The following SLAMF1 variants were observed in gnomAD, a reference collection of about 807,000 sequenced individuals.
SLAMF1 encodes signaling lymphocytic activation molecule family member 1.
SLAMF1 carries 18 observed loss-of-function variants against 35.1 expected under a neutral mutation model. The observed-to-expected ratio is 0.51, with a 90% CI of 0.35 to 0.76. The LOEUF is 0.76. SLAMF1 is among the 30% of genes least tolerant of loss of function. The pLI is 0.01. For synonymous variants in SLAMF1, 168 were observed against 157.2 expected, an observed-to-expected ratio of 1.07 and a Z score of -0.51; for missense variants, 392 against 413.0, an observed-to-expected ratio of 0.95 and a Z score of 0.44.
chr1:160,634,413 G>C, intron 3 of SLAMF1, 200 bp downstream of exon 3: 2 of 984,170 alleles, frequency 2.0e-6, no homozygotes, highest in Non-Finnish European at 2.4e-6. Context: ...TTCGTCAACT[G>C]TGAACTGAGC....
chr1:160,610,697 A>C lies in SLAMF1; in HGVS notation c.*51T>G, dbSNP rs1557999540. ...GGGCCTGTGGCCAAGTTCAGTGTTC[A>C]TTTTGGTTTTTCCATTTTCCTTCAG... On this transcript the variant is annotated 3_prime_UTR_variant, in exon 7 of 7. Coordinates refer to ENST00000302035, the MANE Select transcript of SLAMF1 (RefSeq NM_003037.5). 1 of 1,418,052 alleles carries C rather than the reference A, an allele frequency of 7.1e-7. No homozygotes were observed. The highest frequency in any genetic ancestry group is 2.3e-5 in the East Asian group (1 of 43,994). 87.8% of individuals were successfully genotyped at this position (1,418,052 alleles called of 1,614,324 possible). A position where few individuals can be genotyped will look rare whatever the true frequency, so the allele number is the denominator to read the frequency against.
chr1:160,644,639 T>C (rs1660934142), intron 1 of SLAMF1, among the ~76,000 whole-genome samples: 2 of 152,196 alleles, frequency 1.3e-5, no homozygotes, highest in African/African-American at 4.8e-5. Context: ...CCTTAATAGT[T>C]GCTGAATGGG....
intron 5 of SLAMF1, among the ~76,000 whole-genome samples, chr1:160,617,979 A>T (rs1659397899): frequency 6.6e-6 from 1 of 152,158 alleles, no homozygotes; most frequent in Non-Finnish European, 1.5e-5. Flanking sequence ...AGGCTGAGGC[A>T]GGAGAATCAC....
chr1:160,624,118 T>C lies in SLAMF1; in HGVS notation c.768A>G (p.Val256=). 1 of 1,608,066 alleles carries C rather than the reference T, an allele frequency of 6.2e-7. No individual in the cohort carries two copies. Among genetic ancestry groups the C allele is most frequent in the Non-Finnish European group, 8.5e-7 (1 of 1,176,388 alleles). ...GGVIMILIMV[V]ILQLRRRGKT... ...TACCTCTTCTTCTCAACTGTAGTAT[T>C]ACCACCATGATGAGAATCATGATGA... is the stretch of plus-strand genomic sequence containing the variant. The change falls in exon 4 of 7, where the codon GTA becomes GTG. Residue 256 remains valine (V), a synonymous_variant. Transcript: ENST00000302035.
At chr1:160,634,417 A>C in intron 3 of SLAMF1, 196 bp downstream of exon 3, 1 of 984,412 alleles carries the variant, frequency 1.0e-6, no homozygotes, top group Non-Finnish European at 1.2e-6. Context: ...TCAACTGTGA[A>C]CTGAGCATAA....
intron 1 of SLAMF1, among the ~76,000 whole-genome samples, chr1:160,639,152 A>C (rs891514387): frequency 3.3e-5 from 5 of 152,222 alleles, no homozygotes; most frequent in African/African-American, 1.2e-4. Flanking sequence ...TGCAAACATT[A>C]TAATTCAGCC....
intron 3 of SLAMF1, among the ~76,000 whole-genome samples, chr1:160,629,791 T>C (rs1279576116): frequency 6.6e-6 from 1 of 152,204 alleles, no homozygotes; most frequent in African/African-American, 2.4e-5. Flanking sequence ...TTATAGCGGG[T>C]GTGGCCCATG....
chr1:160,624,617 G>GCAT (rs1659786195), intron 3 of SLAMF1, among the ~76,000 whole-genome samples: 2 of 152,116 alleles, frequency 1.3e-5, no homozygotes. Context: ...TGAGACACTG[G>GCAT]GAGGAAGAAA....
At chr1:160,630,053 G>T (rs1404056284) in intron 3 of SLAMF1, among the ~76,000 whole-genome samples, 1 of 152,192 alleles carries the variant, frequency 6.6e-6, no homozygotes, top group Non-Finnish European at 1.5e-5. Context: ...GCGGTTTGCT[G>T]ATCTGCTGAA....
chr1:160,645,944 C>T (rs947255965), intron 1 of SLAMF1, among the ~76,000 whole-genome samples: 7 of 152,088 alleles, frequency 4.6e-5, no homozygotes, highest in East Asian at 1.9e-4. Flanking sequence ...CCCCCGTGTC[C>T]GTAATGCCAC....
chr1:160,615,832 T>C (rs1281052530), intron 5 of SLAMF1: 3 of 223,538 alleles, frequency 1.3e-5, no homozygotes, highest in Non-Finnish European at 9.3e-6. Context: ...AAGGCAAAAA[T>C]TGCAGATACA....
intron 6 of SLAMF1, among the ~76,000 whole-genome samples, chr1:160,611,464 T>C (rs1289472635): frequency 1.3e-5 from 2 of 152,200 alleles, no homozygotes; most frequent in East Asian, 3.9e-4. Context: ...ATTGGTTTCA[T>C]CTTGAAATAT....
chr1:160,642,758 T>A lies in SLAMF1; in HGVS notation c.76+4112A>T, dbSNP rs1660819057. The stretch of plus-strand genomic sequence containing the variant: ...AAGTGGTGGGGACCCTTTTCCCCAC[T>A]TGCCAGCTGAGGACATGGAAGTGCC... On this transcript the variant is annotated intron_variant, in intron 1 of 6. Coordinates refer to ENST00000302035, the MANE Select transcript of SLAMF1 (RefSeq NM_003037.5). This position sits in a 1 kb window ranked among gnomAD's most constrained non-coding sequence, Gnocchi z 4.2. Among the ~76,000 whole-genome samples, 1 of 152,176 alleles carries A rather than the reference T, an allele frequency of 6.6e-6. No homozygotes were observed. The highest frequency in any genetic ancestry group is 2.4e-5 in the African/African-American group (1 of 41,430).
chr1:160,624,096 C>T lies in SLAMF1; in HGVS notation c.790G>A (p.Gly264Ser), dbSNP rs1274515656. 1 of 1,589,404 alleles carries T rather than the reference C, an allele frequency of 6.3e-7. No individual in the cohort carries two copies. The highest frequency in any genetic ancestry group is 8.6e-7 in the Non-Finnish European group (1 of 1,163,120). Residue 264 changes from glycine (G) to serine (S), a missense_variant and splice_region_variant, in exon 4 of 7, where the codon GGT (glycine) becomes AGT (serine). Coordinates refer to ENST00000302035, the MANE Select transcript of SLAMF1 (RefSeq NM_003037.5). ...MVVILQLRRR[G>S]KTNHYQTTVE... ...AATCTATTTATTGCCAGACACCTAC[C>T]TCTTCTTCTCAACTGTAGTATTACC...
chr1:160,612,759 C>A (rs1809963), intron 5 of SLAMF1, among the ~76,000 whole-genome samples, 179 bp from the exon 6 acceptor site: 1 of 152,162 alleles, frequency 6.6e-6, no homozygotes, highest in Non-Finnish European at 1.5e-5. Flanking sequence ...CTCAATTCCC[C>A]AGGCTTTGCT....
At chr1:160,628,682 A>G (rs1043541592) in intron 3 of SLAMF1, among the ~76,000 whole-genome samples, 1 of 152,214 alleles carries the variant, frequency 6.6e-6, no homozygotes, top group Non-Finnish European at 1.5e-5. Flanking sequence ...AGTTAAATTA[A>G]ATGAGAGTCC....
intron 2 of SLAMF1, among the ~76,000 whole-genome samples, chr1:160,635,562 A>C (rs1189483142): frequency 1.3e-5 from 2 of 150,436 alleles, no homozygotes; most frequent in South Asian, 4.2e-4. Flanking sequence ...GGTGTTTCAC[A>C]TTCATCATCT....
intron 3 of SLAMF1, among the ~76,000 whole-genome samples, chr1:160,624,946 ATT>A (rs1349162571): frequency 6.6e-6 from 1 of 152,242 alleles, no homozygotes; most frequent in Non-Finnish European, 1.5e-5. Context: ...ATGAACAATT[ATT>A]GAGCACTTGC....
chr1:160,642,776 G>A lies in SLAMF1; in HGVS notation c.76+4094C>T, dbSNP rs1660819632. ...TCCCCACTTGCCAGCTGAGGACATG[G>A]AAGTGCCTTAAATATAAACCCTAGG... On this transcript the variant is annotated intron_variant, in intron 1 of 6. Transcript: ENST00000302035. This position sits in a 1 kb window ranked among gnomAD's most constrained non-coding sequence, Gnocchi z 4.2. 1.3e-5 allele frequency among the ~76,000 whole-genome samples: 2 copies of A among 152,154 alleles called. No individual in the cohort carries two copies. The highest frequency in any genetic ancestry group is 4.8e-5 in the African/African-American group (2 of 41,424).
Sources: allele counts gnomAD v4.1 joint callset (sites outside exome capture counted in the v4.1 genomes callset), GRCh38; gene constraint gnomAD v4.1.1; non-coding constraint Gnocchi (gnomAD v3.1); transcripts MANE v1.5; gene names NCBI Gene and HGNC (gene_info 2026-07-23, HGNC 2026-07-21).